The following ANKRD11 variants were observed in gnomAD, a reference collection of about 807,000 sequenced individuals.
The protein encoded by ANKRD11 is ankyrin repeat domain 11, also known as ankyrin repeat domain-containing protein 11.
ANKRD11 carries 17 observed loss-of-function variants against 195.7 expected under a neutral mutation model. The ratio of observed to expected loss-of-function variants is 0.09; its 90% CI spans 0.06 to 0.13. The LOEUF (loss-of-function observed/expected upper bound fraction) is 0.13, where lower values mean the gene tolerates loss of function less well. Among genes scored for constraint, ANKRD11 ranks in the 10% least tolerant of loss-of-function variants. The pLI, the probability that ANKRD11 is intolerant of heterozygous loss-of-function variation, is 1.00. For synonymous variants in ANKRD11, 1,953 were observed against 1,528.1 expected (o/e 1.28, Z -6.49); for missense variants, 3,735 against 3,566.1 (o/e 1.05, Z -1.21).
chr16:89,478,810 C>T (rs1015018739), intron 1 of ANKRD11, among the ~76,000 whole-genome samples: 2 of 152,228 alleles, frequency 1.3e-5, no homozygotes, highest in Non-Finnish European at 2.9e-5. Context: ...CAAAGAACCA[C>T]ACCTCCAAAG....
At chr16:89,312,682 G>A (rs573178591) in intron 3 of ANKRD11, among the ~76,000 whole-genome samples, 2 of 152,312 alleles carry the variant, frequency 1.3e-5, no homozygotes, top group African/African-American at 4.8e-5. Context: ...GCCCAGCTTC[G>A]CCCTCCTGTG....
chr16:89,330,321 G>A (rs979351565), intron 2 of ANKRD11, among the ~76,000 whole-genome samples: 1 of 152,118 alleles, frequency 6.6e-6, no homozygotes, highest in Non-Finnish European at 1.5e-5. Flanking sequence ...GGGTGGGAAG[G>A]CTCGGGAGAC....
At position 89,284,808 on chromosome 16, in the gene ANKRD11, G is replaced by C. The variant is rs1401990591; in HGVS notation, c.1734C>G (p.Asp578Glu). ...STRTRLTSES[D>E]YSSEGSSVES... ...CCACACTGGAGCCCTCAGAGGAGTA[G>C]TCAGACTCGCTTGTCAGTCTCGTCC... The change falls in exon 9 of 13, where the codon GAC becomes GAG. Residue 578 changes from aspartate to glutamate, a missense_variant. Asp to Glu is a conservative substitution (Grantham distance 45). Coordinates refer to ENST00000301030, the MANE Select transcript of ANKRD11 (RefSeq NM_013275.6). The C allele has an allele frequency of 6.2e-7, 1 of 1,613,760 alleles. No homozygotes were observed. Among genetic ancestry groups the C allele is most frequent in the East Asian group, 2.2e-5 (1 of 44,876 alleles).
chr16:89,446,871 G>C (rs1480878438), intron 1 of ANKRD11, among the ~76,000 whole-genome samples: 2 of 152,072 alleles, frequency 1.3e-5, no homozygotes, highest in African/African-American at 2.4e-5. Flanking sequence ...AGCCCCCACA[G>C]CTGCTTCTCC....
chr16:89,365,817 A>G (rs548655574), intron 2 of ANKRD11, among the ~76,000 whole-genome samples: 1 of 152,212 alleles, frequency 6.6e-6, no homozygotes, highest in African/African-American at 2.4e-5. Context: ...CCAGGTGTTA[A>G]GCCCAGTACC....
At chr16:89,308,480 A>G (rs139516559) in intron 3 of ANKRD11, among the ~76,000 whole-genome samples, 30 of 152,334 alleles carry the variant, frequency 2.0e-4, no homozygotes, top group African/African-American at 7.0e-4. Context: ...TCACAAAAGA[A>G]AATATCCAAA....
At chr16:89,445,685 G>A (rs531345383) in intron 1 of ANKRD11, among the ~76,000 whole-genome samples, 6 of 152,138 alleles carry the variant, frequency 3.9e-5, no homozygotes, top group African/African-American at 1.4e-4. Context: ...TTAAAAAAAC[G>A]ATTTTGAGCC....
intron 2 of ANKRD11, among the ~76,000 whole-genome samples, chr16:89,397,431 C>A (rs755280394): frequency 6.6e-6 from 1 of 152,214 alleles, no homozygotes; most frequent in Non-Finnish European, 1.5e-5. Context: ...CTCCCAGCGC[C>A]GTACCACTCC....
chr16:89,434,824 ACTGGC>A (rs763706219), intron 1 of ANKRD11, among the ~76,000 whole-genome samples: 3 of 152,234 alleles, frequency 2.0e-5, no homozygotes, highest in Non-Finnish European at 4.4e-5. Context: ...CGGCGAGGAC[ACTGGC>A]TGTCTGGGGC....
At chr16:89,345,131 T>A (rs373628254) in intron 2 of ANKRD11, among the ~76,000 whole-genome samples, 31 of 151,340 alleles carry the variant, frequency 2.0e-4, no homozygotes, top group African/African-American at 7.3e-4. Flanking sequence ...TCTGGGAGCA[T>A]CCACCAGGAA....
At chr16:89,475,115 C>A (rs2057212983) in intron 1 of ANKRD11, among the ~76,000 whole-genome samples, 1 of 152,148 alleles carries the variant, frequency 6.6e-6, no homozygotes, top group Admixed American at 6.5e-5. Flanking sequence ...TCCAACAGAC[C>A]CTCTTGACTG....
chr16:89,288,746 G>T, intron 6 of ANKRD11, 76 bp from the exon 7 acceptor site: 1 of 1,607,390 alleles, frequency 6.2e-7, no homozygotes, highest in Non-Finnish European at 8.5e-7. Flanking sequence ...AGCGCCCTGA[G>T]GATGTGCTAC....
chr16:89,291,629 GAC>G lies in ANKRD11; in HGVS notation c.227-448_227-447del, dbSNP rs1185984695. The G allele has an allele frequency of 2.2e-5, 27 of 1,240,866 alleles. No individual in the cohort carries two copies. Among genetic ancestry groups the G allele is most frequent in the Non-Finnish European group, 2.9e-5 (27 of 943,670 alleles). The allele number at this position is 1,240,866 out of a possible 1,614,324, so 76.9% of individuals were successfully genotyped here. A position where few individuals can be genotyped will look rare whatever the true frequency, so the allele number is the denominator to read the frequency against. On this transcript the variant is annotated intron_variant, in intron 4 of 12. Transcript: ENST00000301030. This position sits in a 1 kb window ranked among gnomAD's most constrained non-coding sequence, Gnocchi z 5.3. ...CAAACAGTGCAGATATAAAATGGCA[GAC>G]ACAGTTTAAAACACATCAGTAAATC...
At chr16:89,371,454 G>A (rs2040188595) in intron 2 of ANKRD11, among the ~76,000 whole-genome samples, 1 of 152,222 alleles carries the variant, frequency 6.6e-6, no homozygotes, top group Non-Finnish European at 1.5e-5. Context: ...GCCACAGAAG[G>A]GGCCGCTGAC....
At chr16:89,325,370 C>T (rs145189240) in intron 2 of ANKRD11, among the ~76,000 whole-genome samples, 86 of 151,918 alleles carry the variant, frequency 5.7e-4, no homozygotes, top group African/African-American at 2.0e-3. Flanking sequence ...CCCAGGAGGT[C>T]GAGGCTGCGG....
intron 2 of ANKRD11, among the ~76,000 whole-genome samples, chr16:89,393,485 A>C (rs1466468247): frequency 7.8e-6 from 1 of 128,478 alleles, no homozygotes; most frequent in Non-Finnish European, 1.6e-5. Flanking sequence ...CACCATATCC[A>C]GCTGCTTTTT....
intron 3 of ANKRD11, among the ~76,000 whole-genome samples, chr16:89,310,853 A>G (rs190137158): frequency 1.4e-3 from 209 of 152,314 alleles, no homozygotes; most frequent in African/African-American, 4.6e-3. Context: ...TCCTCCATCA[A>G]TGTCTGTGAA....
chr16:89,469,832 C>CGA (rs2057013964), intron 1 of ANKRD11, among the ~76,000 whole-genome samples: 3 of 64 alleles, frequency 0.047, no homozygotes, highest in Admixed American at 0.12. Context: ...CCGGGAGCGG[C>CGA]AGTTGCAGGG....
At chr16:89,339,452 G>A (rs943440799) in intron 2 of ANKRD11, among the ~76,000 whole-genome samples, 2 of 151,834 alleles carry the variant, frequency 1.3e-5, no homozygotes, top group African/African-American at 4.8e-5. Context: ...CCCATGGTCC[G>A]AGGAGCCCAT....
Sources: allele counts gnomAD v4.1 joint callset (sites outside exome capture counted in the v4.1 genomes callset), GRCh38; gene constraint gnomAD v4.1.1; non-coding constraint Gnocchi (gnomAD v3.1); transcripts MANE v1.5; gene names NCBI Gene and HGNC (gene_info 2026-07-23, HGNC 2026-07-21).